Variants in LSG1 observed in about 807,000 individuals in gnomAD.
The protein encoded by LSG1 is large subunit GTPase 1 homolog.
In LSG1, 55 loss-of-function variants were observed where a neutral mutation model predicts 82.6. That is an observed-to-expected ratio of 0.67 (90% CI 0.54 to 0.83). LSG1 has a LOEUF of 0.83. Ranked by LOEUF, LSG1 falls within the 40% of genes least tolerant of loss-of-function variation. The pLI is 0.00. For synonymous variants in LSG1, 272 were observed against 282.5 expected (o/e 0.96, Z 0.37); for missense variants, 809 against 807.9 (o/e 1.00, Z -0.02).
In LSG1 at chr3:194,648,667, G is replaced by A. The variant is rs199972007; in HGVS notation, c.1543+14C>T. On this transcript the variant is annotated intron_variant, in intron 11 of 13. Transcript: ENST00000265245. ...GTTACTTTTGTTCACATTTTCTGAT[G>A]AATCACAACTTACATCCATAAGCTG... The A allele has an allele frequency of 6.2e-7, 1 of 1,612,392 alleles. No homozygotes were observed. The highest frequency in any genetic ancestry group is 2.2e-5 in the East Asian group (1 of 44,836).
Position 194,651,025 on chromosome 3 carries a change from C to T in LSG1, c.1276-1G>A. ...AGAGGCCAGGCTCCACATAGAGAGT[C>T]TGGAAGACAAGCAAGAGGTTTGAGC... On this transcript the variant is annotated splice_acceptor_variant, in intron 9 of 13. Coordinates refer to ENST00000265245, the MANE Select transcript of LSG1 (RefSeq NM_018385.3). LOFTEE classifies it high-confidence loss of function. The T allele has an allele frequency of 6.2e-7, 1 of 1,613,822 alleles. No homozygotes were observed. The highest frequency in any genetic ancestry group is 8.5e-7 in the Non-Finnish European group (1 of 1,179,862).
In LSG1 at chr3:194,652,982, TACTC is replaced by T. The variant is rs1718708846; in HGVS notation, c.916_919del (p.Glu306MetfsTer76). ...TTCCTCCTCCTCTGGACAGTCCTCA[TACTC>T]ACTGTCATCTTCATCCGTTGTGGGA... On this transcript the variant is annotated frameshift_variant, in exon 8 of 14. Coordinates refer to ENST00000265245, the MANE Select transcript of LSG1 (RefSeq NM_018385.3). LOFTEE classifies it high-confidence loss of function. 3.7e-6 allele frequency: 6 copies of T among 1,614,202 alleles called. No homozygotes were observed. In the East Asian group the frequency reaches 1.3e-4, roughly 36 times the overall value.
chr3:194,656,125 G>A (rs1277924097), intron 7 of LSG1, among the ~76,000 whole-genome samples: 3 of 151,800 alleles, frequency 2.0e-5, no homozygotes, highest in East Asian at 3.9e-4. Context: ...CAAAAGCAAT[G>A]GCAACAAAAG....
At chr3:194,646,039 G>C (rs1050626362) in intron 12 of LSG1, 125 bp downstream of exon 12, 6 of 909,924 alleles carry the variant, frequency 6.6e-6, no homozygotes, top group African/African-American at 4.9e-5. Flanking sequence ...CCTACATCAA[G>C]AACACAACTC....
At position 194,665,603 on chromosome 3, in the gene LSG1, G is replaced by T. The variant is rs561924888; in HGVS notation, c.475C>A (p.Arg159=). The stretch of plus-strand genomic sequence containing the variant: ...AGCTGGCGCCAAAAGTCCAAATTTC[G>T]TTCAAATGGAGTCAATATCAGCTTC... ...EQKLILTPFE[R]NLDFWRQLWR... is the part of the protein sequence containing the mutation. The change falls in exon 5 of 14, where the codon CGA becomes AGA. Residue 159 remains arginine, a synonymous_variant. Transcript: ENST00000265245. The T allele has an allele frequency of 6.2e-7, 1 of 1,613,168 alleles. No individual in the cohort carries two copies. The highest frequency in any genetic ancestry group is 8.5e-7 in the Non-Finnish European group (1 of 1,179,678).
intron 6 of LSG1, among the ~76,000 whole-genome samples, chr3:194,659,381 G>A (rs947056579): frequency 1.3e-5 from 2 of 152,114 alleles, no homozygotes; most frequent in Non-Finnish European, 2.9e-5. Context: ...GGGGGCTCAC[G>A]CCTGTAATTC....
intron 5 of LSG1, among the ~76,000 whole-genome samples, chr3:194,664,839 G>A (rs1490012706): frequency 6.6e-6 from 1 of 152,150 alleles, no homozygotes; most frequent in Non-Finnish European, 1.5e-5. Context: ...AGCACTGCTT[G>A]AACCCAGGAG....
Position 194,646,819 on chromosome 3 carries a change from C to T in LSG1, c.1544-576G>A, listed in dbSNP as rs377326378. 1.2e-4 allele frequency among the ~76,000 whole-genome samples: 19 copies of T among 152,338 alleles called. 1 individual carries two copies. Among genetic ancestry groups the T allele is most frequent in the South Asian group, 1.2e-3 (6 of 4,830 alleles). On this transcript the variant is annotated intron_variant, in intron 11 of 13. Transcript: ENST00000265245. ...TACAAGCGTGAGGCACTACACCCAG[C>T]CTCCTTATTTTAAACATTTATTCAT...
At chr3:194,657,945 C>T (rs188941646) in intron 7 of LSG1, among the ~76,000 whole-genome samples, 3 of 152,162 alleles carry the variant, frequency 2.0e-5, no homozygotes, top group Admixed American at 6.5e-5. Context: ...GGAAGAAACT[C>T]CTTCACATAG....
chr3:194,665,690 C>A, intron 4 of LSG1, 47 bp from the exon 5 acceptor site: 1 of 1,130,442 alleles, frequency 8.8e-7, no homozygotes, highest in Non-Finnish European at 1.3e-6. Flanking sequence ...TTATAATAGA[C>A]AATTTTTAGC....
At chr3:194,649,636 G>A (rs1435285101) in intron 10 of LSG1, among the ~76,000 whole-genome samples, 1 of 151,876 alleles carries the variant, frequency 6.6e-6, no homozygotes, top group Non-Finnish European at 1.5e-5. Flanking sequence ...GTTGCAGTGA[G>A]CAGAGATTGC....
chr3:194,654,691 T>C (rs1718757747), intron 7 of LSG1, among the ~76,000 whole-genome samples: 1 of 152,162 alleles, frequency 6.6e-6, no homozygotes, highest in South Asian at 2.1e-4. Flanking sequence ...TGAACATGAA[T>C]GTGTAGTAGA....
chr3:194,644,858 T>A, intron 12 of LSG1, 112 bp from the exon 13 acceptor site: 1 of 789,850 alleles, frequency 1.3e-6, no homozygotes, highest in Non-Finnish European at 1.8e-6. Flanking sequence ...TCTGGTTAAG[T>A]TAGCTGAGTT....
In LSG1 at chr3:194,642,009, G is replaced by A; in HGVS notation, c.*59C>T. 6.4e-7 allele frequency: 1 copy of A among 1,563,852 alleles called. No individual in the cohort carries two copies. The highest frequency in any genetic ancestry group is 1.2e-5 in the South Asian group (1 of 84,594). Reference sequence around the variant, plus strand: ...CTTGGGACGGTTCCACAGGCAACAGGCAGCTTCTGCTCTTTTCCATCTGCA... The same window carrying A: ...CTTGGGACGGTTCCACAGGCAACAGACAGCTTCTGCTCTTTTCCATCTGCA... On this transcript the variant is annotated 3_prime_UTR_variant, in exon 14 of 14. Coordinates refer to ENST00000265245, the MANE Select transcript of LSG1 (RefSeq NM_018385.3).
In LSG1 at chr3:194,655,785, A is replaced by G. The variant is rs1718778006; in HGVS notation, c.760-2643T>C. On this transcript the variant is annotated intron_variant, in intron 7 of 13. Transcript: ENST00000265245. ...GCTACAGTAACCAAAACAGCATGGT[A>G]CTGGTACCAAAACAGAGATATAGAC... Among the ~76,000 whole-genome samples, 4 of 152,192 alleles carry G rather than the reference A, an allele frequency of 2.6e-5. No individual in the cohort carries two copies. The South Asian group carries it at 8.3e-4, about 32-fold the overall frequency.
intron 10 of LSG1, chr3:194,649,010 A>G: frequency 2.1e-6 from 1 of 471,354 alleles, no homozygotes; most frequent in Non-Finnish European, 3.7e-6. Flanking sequence ...CGACTTTTCC[A>G]TATGAATTCA....
intron 7 of LSG1, among the ~76,000 whole-genome samples, chr3:194,657,465 T>TTTTG (rs1718817109): frequency 6.6e-6 from 1 of 150,748 alleles, no homozygotes. Context: ...TAAGTTTTTT[T>TTTTG]TTTTTTTTTT....
chr3:194,657,283 A>G (rs573534049), intron 7 of LSG1, among the ~76,000 whole-genome samples: 1 of 152,258 alleles, frequency 6.6e-6, no homozygotes, highest in South Asian at 2.1e-4. Flanking sequence ...GATGTTATCA[A>G]TGACACAAAA....
rs533872660 is a variant in LSG1, at chr3:194,660,050, G to C, written c.582+23C>G. On this transcript the variant is annotated intron_variant, in intron 6 of 13. Transcript: ENST00000265245. ...ACTGCTACTCAAAGGACTGATGTTTGAATTTTGTCAAACTTGACTTACCAA... is the reference window on the plus strand; with the variant it reads ...ACTGCTACTCAAAGGACTGATGTTTCAATTTTGTCAAACTTGACTTACCAA... 1.9e-6 allele frequency: 3 copies of C among 1,605,984 alleles called. No individual in the cohort carries two copies. In the Admixed American group the frequency reaches 5.0e-5, roughly 27 times the overall value.
Sources: allele counts gnomAD v4.1 joint callset (sites outside exome capture counted in the v4.1 genomes callset), GRCh38; gene constraint gnomAD v4.1.1; transcripts MANE v1.5; gene names NCBI Gene and HGNC (gene_info 2026-07-23, HGNC 2026-07-21).